Variants in RFC3 observed in about 807,000 individuals in gnomAD.
RFC3 encodes the protein A1 38 kDa subunit.
In RFC3, 41 loss-of-function variants were observed where a neutral mutation model predicts 45.1. The observed-to-expected ratio is 0.91, with a 90% CI of 0.71 to 1.18. The LOEUF (loss-of-function observed/expected upper bound fraction) is 1.18, where lower values mean the gene tolerates loss of function less well. RFC3 is among the 50% of genes most tolerant of loss of function. The pLI is 0.00. For synonymous variants in RFC3, 149 were observed against 144.0 expected, an observed-to-expected ratio of 1.03 and a Z score of -0.25; for missense variants, 423 against 428.1, an observed-to-expected ratio of 0.99 and a Z score of 0.10.
downstream of RFC3, among the ~76,000 whole-genome samples, chr13:33,839,915 T>C (rs1043676101): frequency 6.6e-6 from 1 of 152,228 alleles, no homozygotes; most frequent in African/African-American, 2.4e-5. Context: ...TACTGTAGTT[T>C]GACAGTTTTT....
At chr13:33,895,836 C>CA (rs997990482) in intron 8 of RFC3, among the ~76,000 whole-genome samples, 1 of 152,016 alleles carries the variant, frequency 6.6e-6, no homozygotes, top group African/African-American at 2.4e-5. Context: ...TAAAAACGAA[C>CA]AAAAAATAAT....
At chr13:33,863,497 C>G (rs74834370) in intron 8 of RFC3, among the ~76,000 whole-genome samples, 5 of 152,202 alleles carry the variant, frequency 3.3e-5, no homozygotes, top group Non-Finnish European at 7.3e-5. Flanking sequence ...GGGTCTGTGT[C>G]ATTTAACCAC....
At chr13:33,824,477 G>A (rs1423369209) in intron 3 of RFC3, among the ~76,000 whole-genome samples, 1 of 152,098 alleles carries the variant, frequency 6.6e-6, no homozygotes, top group Non-Finnish European at 1.5e-5. Context: ...GAACTTGTTG[G>A]AGAGGCGTTG....
At chr13:33,841,422 G>A (rs903836409), downstream of RFC3, among the ~76,000 whole-genome samples, 4 of 152,200 alleles carry the variant, frequency 2.6e-5, no homozygotes, top group Admixed American at 2.6e-4. Flanking sequence ...TACCTTTACA[G>A]ATTGAGGTCT....
At chr13:33,826,722 T>G (rs1448810148) in intron 4 of RFC3, among the ~76,000 whole-genome samples, 1 of 152,158 alleles carries the variant, frequency 6.6e-6, no homozygotes, top group South Asian at 2.1e-4. Flanking sequence ...TCTCTTACTG[T>G]TTTTAATTGT....
chr13:33,853,845 C>G (rs2082292538), intron 8 of RFC3, among the ~76,000 whole-genome samples: 1 of 152,136 alleles, frequency 6.6e-6, no homozygotes, highest in Non-Finnish European at 1.5e-5. Context: ...CTTGGAGCAA[C>G]TGGGGAACTA....
chr13:33,879,384 C>T (rs1162084622), intron 8 of RFC3, among the ~76,000 whole-genome samples: 2 of 152,116 alleles, frequency 1.3e-5, no homozygotes, highest in African/African-American at 4.8e-5. Flanking sequence ...CATTTCCAGG[C>T]AAACAACTGT....
intron 8 of RFC3, among the ~76,000 whole-genome samples, chr13:33,961,299 C>T (rs931154990): frequency 1.3e-5 from 2 of 152,150 alleles, no homozygotes; most frequent in Admixed American, 6.6e-5. Flanking sequence ...TCCATTTCCT[C>T]GTCAAAGCCT....
At chr13:33,883,006 A>G (rs1031326898) in intron 8 of RFC3, among the ~76,000 whole-genome samples, 2 of 152,178 alleles carry the variant, frequency 1.3e-5, no homozygotes, top group African/African-American at 2.4e-5. Context: ...TTACACATTC[A>G]TGCTCTCAAG....
the RFC3 span, among the ~76,000 whole-genome samples, chr13:33,974,416 ACTG>A: frequency 6.6e-6 from 1 of 152,102 alleles, no homozygotes; most frequent in South Asian, 2.1e-4. Flanking sequence ...TGGGGCCCAG[ACTG>A]CTGTTTTCTC....
intron 8 of RFC3, among the ~76,000 whole-genome samples, chr13:33,880,128 A>G (rs1164240462): frequency 6.6e-6 from 1 of 152,200 alleles, no homozygotes; most frequent in Non-Finnish European, 1.5e-5. Flanking sequence ...GTGTAATATA[A>G]AACCTATTTA....
intron 8 of RFC3, among the ~76,000 whole-genome samples, chr13:33,952,538 TTAAG>T (rs1360863268): frequency 5.3e-5 from 8 of 152,222 alleles, no homozygotes; most frequent in African/African-American, 1.2e-4. Context: ...GTTGAGCTGA[TTAAG>T]TAAGTAGGAA....
chr13:33,928,705 A>T (rs367984954), intron 8 of RFC3, among the ~76,000 whole-genome samples: 1 of 152,116 alleles, frequency 6.6e-6, no homozygotes. Context: ...CATACTTAAT[A>T]CAAGTCCAAT....
intron 7 of RFC3, among the ~76,000 whole-genome samples, chr13:33,834,298 G>GTATATATACATATATA (rs2082130566): frequency 4.6e-5 from 5 of 109,220 alleles, no homozygotes; most frequent in Non-Finnish European, 8.6e-5. Flanking sequence ...TGTACTGTGT[G>GTATATATACATATATA]TATATATATA....
At chr13:33,975,408 A>G in the RFC3 span, among the ~76,000 whole-genome samples, 2 of 152,356 alleles carry the variant, frequency 1.3e-5, no homozygotes, top group East Asian at 3.9e-4. Flanking sequence ...AGTTGAGTAC[A>G]TGAGCATAAA....
chr13:33,946,164 G>A (rs1338728354), intron 8 of RFC3, among the ~76,000 whole-genome samples: 1 of 152,186 alleles, frequency 6.6e-6, no homozygotes, highest in Non-Finnish European at 1.5e-5. Context: ...CTTCCCAGTA[G>A]CACTTTCCCA....
chr13:33,821,968 G>A (rs1192099484), intron 2 of RFC3, among the ~76,000 whole-genome samples: 2 of 152,172 alleles, frequency 1.3e-5, no homozygotes, highest in Non-Finnish European at 2.9e-5. Context: ...TTGACTGTAT[G>A]TCGAGAACAT....
intron 8 of RFC3, among the ~76,000 whole-genome samples, chr13:33,931,610 G>A (rs114176256): frequency 6.6e-6 from 1 of 150,840 alleles, no homozygotes; most frequent in Non-Finnish European, 1.5e-5. Context: ...CCTCCAGGGG[G>A]TGCCATTTCC....
intron 8 of RFC3, among the ~76,000 whole-genome samples, chr13:33,882,047 A>T (rs2082488230): frequency 6.6e-6 from 1 of 152,010 alleles, no homozygotes; most frequent in Non-Finnish European, 1.5e-5. Context: ...AATTGGGGGG[A>T]ACTTTTTGTT....
Sources: gnomAD v4.1 joint callset for allele counts (sites outside exome capture counted in the v4.1 genomes callset) on GRCh38, gnomAD v4.1.1 for gene constraint, MANE v1.5 for transcripts, NCBI Gene and HGNC (gene_info 2026-07-23, HGNC 2026-07-21) for gene names.